STIM1: variants seen among roughly 807,000 people sequenced by gnomAD.
STIM1 encodes stromal interaction molecule 1.
Under a neutral mutation model 74.7 loss-of-function variants are expected in STIM1, and 25 were observed. The observed-to-expected ratio is 0.33, with a 90% CI of 0.24 to 0.47. The LOEUF is 0.47. STIM1 is among the 20% of genes least tolerant of loss of function. STIM1 has a pLI of 1.00. For missense variants in STIM1, 728 were observed against 920.8 expected (o/e 0.79, Z 2.71); for synonymous variants, 328 against 348.8 (o/e 0.94, Z 0.66).
intron 1 of STIM1, among the ~76,000 whole-genome samples, chr11:3,925,026 T>A (rs989412691): frequency 5.3e-5 from 8 of 152,218 alleles, no homozygotes; most frequent in African/African-American, 1.4e-4. Context: ...ATAATAATAT[T>A]TGTTTTTCAA....
Position 3,863,048 on chromosome 11 carries a change from A to G in STIM1, c.139+6639A>G, listed in dbSNP as rs2135220305. Among the ~76,000 whole-genome samples, 4 of 151,988 alleles carry G rather than the reference A, an allele frequency of 2.6e-5. No homozygotes were observed. The South Asian group carries it at 8.3e-4, about 32-fold the overall frequency. On this transcript the variant is annotated intron_variant, in intron 1 of 12. Transcript: ENST00000526596. ...GCTGGGATTACAGGTGCCCGCCACCACACCTGGCTAATTTTTGTATTTTTT... is the reference window on the plus strand; with the variant it reads ...GCTGGGATTACAGGTGCCCGCCACCGCACCTGGCTAATTTTTGTATTTTTT...
At chr11:3,891,297 G>GTTT (rs60284384) in intron 1 of STIM1, among the ~76,000 whole-genome samples, 1,500 of 148,270 alleles carry the variant, frequency 0.01, 22 homozygotes, top group East Asian at 0.057. Context: ...TATTTTTCAT[G>GTTT]TTTTTTTTTT....
rs373459630 is a variant in STIM1 at position 3,950,101 on chromosome 11, C to A, written c.140-17451C>A. 1.5e-4 allele frequency among the ~76,000 whole-genome samples: 22 copies of A among 151,238 alleles called. No homozygotes were observed. In the South Asian group the frequency reaches 3.6e-3, roughly 24 times the overall value. Reference sequence around the variant, plus strand: ...TTTTCTCAGTTCAGTTCCTTGGAAACTCATCCAAGTTGTGTGTATCAATAG... The same window carrying A: ...TTTTCTCAGTTCAGTTCCTTGGAAAATCATCCAAGTTGTGTGTATCAATAG... On this transcript the variant is annotated intron_variant, in intron 1 of 12. Coordinates refer to ENST00000526596, the MANE Select transcript of STIM1 (RefSeq NM_001382567.1).
At chr11:4,023,344 C>CAAACAA (rs1477355707) in intron 2 of STIM1, among the ~76,000 whole-genome samples, 1 of 151,926 alleles carries the variant, frequency 6.6e-6, no homozygotes, top group African/African-American at 2.4e-5. Context: ...AACAAACAAA[C>CAAACAA]AAACAAACAA....
At chr11:3,888,961 A>G (rs896106321) in intron 1 of STIM1, among the ~76,000 whole-genome samples, 2 of 151,812 alleles carry the variant, frequency 1.3e-5, no homozygotes, top group African/African-American at 2.4e-5. Context: ...CTGTAAATGT[A>G]TAGATCTGCT....
At chr11:4,079,673 A>G (rs887728412) in intron 7 of STIM1, among the ~76,000 whole-genome samples, 2 of 152,240 alleles carry the variant, frequency 1.3e-5, no homozygotes, top group South Asian at 2.1e-4. Context: ...TGAAAACACA[A>G]TTTTCATAAA....
chr11:3,924,060 T>C lies in STIM1; in HGVS notation c.140-43492T>C, dbSNP rs1478075055. 2.0e-5 allele frequency among the ~76,000 whole-genome samples: 3 copies of C among 152,152 alleles called. No individual in the cohort carries two copies. The East Asian group carries it at 5.8e-4, about 29-fold the overall frequency. On this transcript the variant is annotated intron_variant, in intron 1 of 12. Transcript: ENST00000526596. Reference sequence around the variant, plus strand: ...TCTCACTATGTTGCCCAGGCTGGTCTTGAACTTCTGGGCTCAAGTGATTTT... The same window carrying C: ...TCTCACTATGTTGCCCAGGCTGGTCCTGAACTTCTGGGCTCAAGTGATTTT...
intron 2 of STIM1, among the ~76,000 whole-genome samples, chr11:4,013,597 G>A (rs886872061): frequency 2.0e-5 from 3 of 149,878 alleles, no homozygotes; most frequent in Non-Finnish European, 3.0e-5. Context: ...GATCGGTGGC[G>A]ATATCCCCTT....
At chr11:4,048,981 G>T (rs796322961) in intron 3 of STIM1, among the ~76,000 whole-genome samples, 1 of 152,118 alleles carries the variant, frequency 6.6e-6, no homozygotes, top group African/African-American at 2.4e-5. Flanking sequence ...TGATCTGCCC[G>T]CCTCGGCCTC....
At chr11:3,998,350 G>A (rs2093681225) in intron 2 of STIM1, among the ~76,000 whole-genome samples, 1 of 152,166 alleles carries the variant, frequency 6.6e-6, no homozygotes, top group African/African-American at 2.4e-5. Flanking sequence ...GTAACTCTCT[G>A]GCTCCTGGCT....
chr11:3,952,585 G>T (rs572089712), intron 1 of STIM1, among the ~76,000 whole-genome samples: 50 of 152,254 alleles, frequency 3.3e-4, no homozygotes, highest in African/African-American at 1.1e-3. Flanking sequence ...ACCCATATTT[G>T]CTACCTCTGC....
intron 3 of STIM1, among the ~76,000 whole-genome samples, chr11:4,053,281 C>T (rs1330090429): frequency 8.5e-5 from 13 of 152,174 alleles, no homozygotes; most frequent in African/African-American, 3.1e-4. Flanking sequence ...CACATGCACA[C>T]GTGTGTTTAT....
intron 2 of STIM1, chr11:3,974,286 G>T: frequency 6.4e-6 from 2 of 312,636 alleles, no homozygotes; most frequent in African/African-American, 4.3e-5. Context: ...GGCATCCATG[G>T]GTAGAAAAAG....
chr11:4,074,165 A>G (rs2094423265), intron 6 of STIM1, among the ~76,000 whole-genome samples: 1 of 152,302 alleles, frequency 6.6e-6, no homozygotes, highest in African/African-American at 2.4e-5. Context: ...ATACCAATAT[A>G]TCATTATCTG....
rs990640774 is a variant in STIM1, at chr11:3,856,002, C to A, written c.-269C>A. On this transcript the variant is annotated 5_prime_UTR_variant, in exon 1 of 13. Coordinates refer to ENST00000526596, the MANE Select transcript of STIM1 (RefSeq NM_001382567.1). ...ACAGCAGCCCCGCAGCCACCCTGCC[C>A]GAAGTCTCCGGAAGCGGCACGAGCT... is the stretch of plus-strand genomic sequence containing the variant. 1.9e-6 allele frequency: 1 copy of A among 521,522 alleles called. No homozygotes were observed. The highest frequency in any genetic ancestry group is 3.5e-6 in the Non-Finnish European group (1 of 286,668). The allele number at this position is 521,522 out of a possible 1,614,324, so 32.3% of individuals were successfully genotyped here. A position where few individuals can be genotyped will look rare whatever the true frequency, so the allele number is the denominator to read the frequency against.
chr11:3,878,591 G>C lies in STIM1; in HGVS notation c.139+22182G>C, dbSNP rs118095707. On this transcript the variant is annotated intron_variant, in intron 1 of 12. Coordinates refer to ENST00000526596, the MANE Select transcript of STIM1 (RefSeq NM_001382567.1). ...GTGTCAGTGCAGGGATTTGAAACCA[G>C]GTCTGTCTCATTACAGAATGTGTTC... Among the ~76,000 whole-genome samples the C allele has an allele frequency of 8.3e-4, 127 of 152,270 alleles. 1 individual carries two copies. In the East Asian group the frequency reaches 0.023, roughly 28 times the overall value.
chr11:4,044,160 C>A (rs1032885842), intron 3 of STIM1, among the ~76,000 whole-genome samples: 1 of 152,136 alleles, frequency 6.6e-6, no homozygotes, highest in Non-Finnish European at 1.5e-5. Context: ...AGTCTTTGAT[C>A]TGGCTAGGGG....
At chr11:4,061,061 A>T (rs1465465292) in intron 5 of STIM1, among the ~76,000 whole-genome samples, 1 of 152,236 alleles carries the variant, frequency 6.6e-6, no homozygotes, top group Non-Finnish European at 1.5e-5. Flanking sequence ...ATGCAAGGGG[A>T]AGCTTTCAGC....
chr11:4,085,465 G>T (rs1055285756), intron 11 of STIM1, among the ~76,000 whole-genome samples: 1 of 152,228 alleles, frequency 6.6e-6, no homozygotes, highest in Non-Finnish European at 1.5e-5. Context: ...TGGGCATAGT[G>T]GCCATTATCT....
Sources: allele counts gnomAD v4.1 joint callset (sites outside exome capture counted in the v4.1 genomes callset), GRCh38; gene constraint gnomAD v4.1.1; transcripts MANE v1.5; gene names NCBI Gene and HGNC (gene_info 2026-07-23, HGNC 2026-07-21).